Variants in MROH1 observed in about 807,000 individuals in gnomAD.
MROH1 encodes maestro heat-like repeat-containing protein family member 1.
Under a neutral mutation model 116.5 loss-of-function variants are expected in MROH1, and 117 were observed. The observed-to-expected ratio is 1.00, with a 90% CI of 0.86 to 1.17. MROH1 has a LOEUF of 1.17. Ranked by LOEUF, MROH1 falls within the 50% of genes most tolerant of loss-of-function variation. The probability of loss-of-function intolerance (pLI) is 0.00; values close to 1 mark genes in which losing one functional copy is unlikely to be tolerated. For synonymous variants in MROH1, 921 were observed against 583.9 expected, an observed-to-expected ratio of 1.58 and a Z score of -8.32; for missense variants, 1,873 against 1,338.5, an observed-to-expected ratio of 1.40 and a Z score of -6.23.
chr8:144,162,528 T>C (rs1222352116), intron 2 of MROH1, among the ~76,000 whole-genome samples: 1 of 151,962 alleles, frequency 6.6e-6, no homozygotes, highest in Non-Finnish European at 1.5e-5. Flanking sequence ...CCTGAGTAGC[T>C]GGGATTACAG....
chr8:144,211,644 T>G (rs1834115115), intron 12 of MROH1, among the ~76,000 whole-genome samples: 1 of 150,910 alleles, frequency 6.6e-6, no homozygotes, highest in Non-Finnish European at 1.5e-5. Flanking sequence ...GAGAATCGCT[T>G]AAACCCAGGA....
At chr8:144,184,521 G>A (rs144600013) in intron 7 of MROH1, among the ~76,000 whole-genome samples, 31 of 152,324 alleles carry the variant, frequency 2.0e-4, no homozygotes, top group South Asian at 1.0e-3. Flanking sequence ...GAAAGGACAG[G>A]GTCCTACAAG....
chr8:144,177,360 G>A (rs977562412), intron 4 of MROH1, among the ~76,000 whole-genome samples: 11 of 152,226 alleles, frequency 7.2e-5, no homozygotes, highest in Admixed American at 3.9e-4. Context: ...GGCCAAGTGC[G>A]TGTCAAGTGG....
rs1483661574 is a variant in MROH1, at chr8:144,255,493, A to G, written c.3595-16A>G. The stretch of plus-strand genomic sequence containing the variant: ...GCCTGGAGGGAGGCATGGCCCTGTG[A>G]TGACTTCTCCCCCAGGCTACCTGTG... On this transcript the variant is annotated splice_polypyrimidine_tract_variant and intron_variant, in intron 34 of 43. Transcript: ENST00000326134. 2 of 778,058 alleles carry G rather than the reference A, an allele frequency of 2.6e-6. No individual in the cohort carries two copies. Among genetic ancestry groups the G allele is most frequent in the Middle Eastern group, 3.0e-4 (1 of 3,284 alleles). The allele number at this position is 778,058 out of a possible 1,614,324, so 48.2% of individuals were successfully genotyped here.
intron 1 of MROH1, among the ~76,000 whole-genome samples, chr8:144,156,926 G>A (rs891367934): frequency 8.6e-5 from 13 of 150,580 alleles, no homozygotes; most frequent in African/African-American, 3.2e-4. Flanking sequence ...GGGATTACAG[G>A]CGCACACCAC....
chr8:144,240,050 G>A, intron 18 of MROH1, 51 bp from the exon 19 acceptor site: 1 of 754,848 alleles, frequency 1.3e-6, no homozygotes, highest in Non-Finnish European at 2.5e-6. Context: ...TGGGCTCTGA[G>A]CCCCACTGGT....
intron 12 of MROH1, among the ~76,000 whole-genome samples, chr8:144,204,812 C>G (rs1832477289): frequency 6.6e-6 from 1 of 152,172 alleles, no homozygotes; most frequent in Admixed American, 6.5e-5. Context: ...ATGGCTATAT[C>G]CAGTATTTAA....
In MROH1 at chr8:144,242,526, C is replaced by T. The variant is rs1216378435; in HGVS notation, c.2325+11C>T. 5 of 780,532 alleles carry T rather than the reference C, an allele frequency of 6.4e-6. No individual in the cohort carries two copies. Among genetic ancestry groups the T allele is most frequent in the Admixed American group, 3.4e-5 (2 of 58,994 alleles). The allele number at this position is 780,532 out of a possible 1,614,324, so 48.4% of individuals were successfully genotyped here. A position where few individuals can be genotyped will look rare whatever the true frequency, so the allele number is the denominator to read the frequency against. ...CACTTCAGCACCAAGGTGGGCACTG[C>T]GGTGGGCCTGCCACGCAGGGGAGCT... On this transcript the variant is annotated intron_variant, in intron 23 of 43. Transcript: ENST00000326134.
intron 12 of MROH1, among the ~76,000 whole-genome samples, chr8:144,207,020 G>A (rs530622819): frequency 5.9e-5 from 9 of 151,536 alleles, no homozygotes; most frequent in African/African-American, 2.2e-4. Context: ...GCGACAGAGC[G>A]AGATTCTGTC....
chr8:144,180,418 C>G lies in MROH1; in HGVS notation c.464-7C>G. On this transcript the variant is annotated splice_region_variant and splice_polypyrimidine_tract_variant and intron_variant, in intron 6 of 43. Coordinates refer to ENST00000326134, the MANE Select transcript of MROH1 (RefSeq NM_032450.3). The surrounding 1 kb of genome is among the most constrained non-coding windows in gnomAD (Gnocchi z 7.4). ...GCGGAGGCCTTTGACGGTGTCCTCT[C>G]TCACAGCGTTCGGCGTAGTCCCCTT... 1.2e-6 allele frequency: 2 copies of G among 1,613,020 alleles called. No individual in the cohort carries two copies. The highest frequency in any genetic ancestry group is 1.7e-6 in the Non-Finnish European group (2 of 1,179,762).
chr8:144,230,851 C>T (rs1331991072), intron 14 of MROH1, among the ~76,000 whole-genome samples: 10 of 112,046 alleles, frequency 8.9e-5, no homozygotes, highest in Non-Finnish European at 1.0e-4. Flanking sequence ...GGGTGTTTCT[C>T]GCAGAGGGGG....
rs1820074771 is a variant in MROH1 at position 144,163,569 on chromosome 8, C to A, written c.-56-202C>A. 6.6e-6 allele frequency among the ~76,000 whole-genome samples: 1 copy of A among 152,102 alleles called. No homozygotes were observed. The highest frequency in any genetic ancestry group is 2.4e-5 in the African/African-American group (1 of 41,436). ...GTGCTGGTAGGGACTGATGGGTGCTCAGGGATGGAGGAGAGCTGGAAACTG... is the reference window on the plus strand; with the variant it reads ...GTGCTGGTAGGGACTGATGGGTGCTAAGGGATGGAGGAGAGCTGGAAACTG... On this transcript the variant is annotated intron_variant, in intron 2 of 43. Transcript: ENST00000326134. The surrounding 1 kb of genome is among the most constrained non-coding windows in gnomAD (Gnocchi z 4.4).
chr8:144,259,045 ACT>A, intron 36 of MROH1, 131 bp downstream of exon 36: 4 of 641,886 alleles, frequency 6.2e-6, no homozygotes, highest in African/African-American at 1.8e-5. Context: ...CTGCCTGTTC[ACT>A]CTCTGGGGCA....
At chr8:144,161,376 G>T (rs577429389) in intron 2 of MROH1, among the ~76,000 whole-genome samples, 4 of 152,158 alleles carry the variant, frequency 2.6e-5, no homozygotes, top group African/African-American at 9.7e-5. Flanking sequence ...CAGGGAACCC[G>T]CTGCAGGTCT....
chr8:144,238,165 TG>T (rs1840361787), intron 14 of MROH1, among the ~76,000 whole-genome samples: 1 of 148,072 alleles, frequency 6.8e-6, no homozygotes, highest in Non-Finnish European at 1.5e-5. Context: ...TAAATATCAC[TG>T]TTTTTTTTTT....
In MROH1 at chr8:144,182,151, G is replaced by C. The variant is rs114169893; in HGVS notation, c.562+1628G>C. ...GGGCCAGAGGAAGCCGTATCAACCG[G>C]GTGAGGCCTAGTGGTGGGGGCGGTG... On this transcript the variant is annotated intron_variant, in intron 7 of 43. Transcript: ENST00000326134. The surrounding 1 kb of genome is among the most constrained non-coding windows in gnomAD (Gnocchi z 4.1). 0.011 allele frequency among the ~76,000 whole-genome samples: 1,707 copies of C among 150,148 alleles called. 30 individuals are homozygous for C. Among genetic ancestry groups the C allele is most frequent in the African/African-American group, 0.042 (1,641 of 39,490 alleles).
At chr8:144,195,805 C>T (rs567334183) in intron 10 of MROH1, among the ~76,000 whole-genome samples, 60 of 152,136 alleles carry the variant, frequency 3.9e-4, no homozygotes, top group African/African-American at 1.2e-3. Context: ...CAGGCTCAAG[C>T]GATCCTCCTG....
At chr8:144,242,764 G>A in intron 24 of MROH1, 136 bp downstream of exon 24, 1 of 680,160 alleles carries the variant, frequency 1.5e-6, no homozygotes, top group Non-Finnish European at 2.7e-6. Context: ...GTCCCCAGGA[G>A]GCGTTCGAGA....
Position 144,244,306 on chromosome 8 carries a change from G to C in MROH1, c.2640G>C (p.Glu880Asp), listed in dbSNP as rs1841511963. Reference sequence around the variant, plus strand: ...ACAGCATCATGGCCCTGCTGCCTGAGCCCAAGGAGGAGGACGGAGGCTGCC... The same window carrying C: ...ACAGCATCATGGCCCTGCTGCCTGACCCCAAGGAGGAGGACGGAGGCTGCC... ...CLHSIMALLP[E>D]PKEEDGGCQK... Residue 880 changes from glutamate (E) to aspartate (D), a missense_variant, in exon 27 of 44, where the codon GAG becomes GAC. By Grantham distance (45) the Glu-to-Asp change is conservative. Transcript: ENST00000326134. 1 of 719,964 alleles carries C rather than the reference G, an allele frequency of 1.4e-6. No individual in the cohort carries two copies. The highest frequency in any genetic ancestry group is 2.0e-5 in the Admixed American group (1 of 50,126). The allele number at this position is 719,964 out of a possible 1,614,324, so 44.6% of individuals were successfully genotyped here. A position where few individuals can be genotyped will look rare whatever the true frequency, so the allele number is the denominator to read the frequency against.
Sources: allele counts gnomAD v4.1 joint callset (sites outside exome capture counted in the v4.1 genomes callset), GRCh38; gene constraint gnomAD v4.1.1; non-coding constraint Gnocchi (gnomAD v3.1); transcripts MANE v1.5; gene names NCBI Gene and HGNC (gene_info 2026-07-23, HGNC 2026-07-21).